The following LOC128706665 variants were observed in gnomAD, a reference collection of about 807,000 sequenced individuals.
At chr20:10,420,911 CAAAA>C in the LOC128706665 span, among the ~76,000 whole-genome samples, 1 of 152,108 alleles carries the variant, frequency 6.6e-6, no homozygotes, top group Non-Finnish European at 1.5e-5. Context: ...TGTTAATAAA[CAAAA>C]AGAGACATGT....
chr20:10,421,849 T>G, the LOC128706665 span, among the ~76,000 whole-genome samples: 3 of 152,004 alleles, frequency 2.0e-5, no homozygotes, highest in Non-Finnish European at 4.4e-5. Context: ...TTTGATGATC[T>G]GTTGGGTTTG....
the LOC128706665 span, among the ~76,000 whole-genome samples, chr20:10,426,475 G>A: frequency 6.6e-6 from 1 of 151,652 alleles, no homozygotes. Context: ...GTGTGATCTC[G>A]GCTCACCTCC....
chr20:10,424,582 C>CA, the LOC128706665 span, among the ~76,000 whole-genome samples: 199 of 142,160 alleles, frequency 1.4e-3, no homozygotes, highest in Middle Eastern at 0.015. Context: ...GCTAGTTTTA[C>CA]AAAAAAAAAA....
chr20:10,427,630 T>C, the LOC128706665 span, among the ~76,000 whole-genome samples: 1 of 152,250 alleles, frequency 6.6e-6, no homozygotes, highest in African/African-American at 2.4e-5. Flanking sequence ...ATTTTTTCTG[T>C]GTACACAATA....
At chr20:10,431,284 AAC>A in the LOC128706665 span, among the ~76,000 whole-genome samples, 3 of 152,138 alleles carry the variant, frequency 2.0e-5, no homozygotes, top group Admixed American at 2.0e-4. Flanking sequence ...GACAAATCCA[AAC>A]ACAGTCATGT....
At chr20:10,427,980 G>GT in the LOC128706665 span, among the ~76,000 whole-genome samples, 4 of 152,192 alleles carry the variant, frequency 2.6e-5, no homozygotes, top group Non-Finnish European at 5.9e-5. Context: ...ACAGGTATGC[G>GT]TAAGTATCTT....
chr20:10,418,613 A>C, the LOC128706665 span, among the ~76,000 whole-genome samples: 1 of 152,092 alleles, frequency 6.6e-6, no homozygotes, highest in Non-Finnish European at 1.5e-5. Flanking sequence ...CTGGCATCTA[A>C]AATCTCTTAC....
At chr20:10,432,127 A>G in the LOC128706665 span, among the ~76,000 whole-genome samples, 1 of 152,208 alleles carries the variant, frequency 6.6e-6, no homozygotes, top group Non-Finnish European at 1.5e-5. Flanking sequence ...TTTCCAGGGA[A>G]ACAGACATCT....
At chr20:10,423,097 C>T in the LOC128706665 span, among the ~76,000 whole-genome samples, 4 of 151,976 alleles carry the variant, frequency 2.6e-5, no homozygotes, top group African/African-American at 9.7e-5. Context: ...CATTTGTCAG[C>T]TTTTTTCTGA....
the LOC128706665 span, among the ~76,000 whole-genome samples, chr20:10,427,159 A>G: frequency 6.6e-6 from 1 of 151,902 alleles, no homozygotes; most frequent in East Asian, 1.9e-4. Context: ...AGATTATTCT[A>G]TCTAGCATAG....
At chr20:10,421,154 G>T in the LOC128706665 span, among the ~76,000 whole-genome samples, 29 of 152,144 alleles carry the variant, frequency 1.9e-4, no homozygotes, top group South Asian at 2.1e-4. Flanking sequence ...TACAGGCTGA[G>T]GGTGGTGGCT....
the LOC128706665 span, among the ~76,000 whole-genome samples, chr20:10,433,152 C>T: frequency 2.6e-5 from 4 of 152,218 alleles, no homozygotes; most frequent in Non-Finnish European, 4.4e-5. Flanking sequence ...TACAGGCGTG[C>T]GCCACTGCGC....
At chr20:10,431,403 A>G in the LOC128706665 span, among the ~76,000 whole-genome samples, 109 of 152,276 alleles carry the variant, frequency 7.2e-4, no homozygotes, top group African/African-American at 2.6e-3. Flanking sequence ...TAGCAAGACT[A>G]CTAGCCTCAG....
chr20:10,421,204 C>T, the LOC128706665 span, among the ~76,000 whole-genome samples: 1 of 152,010 alleles, frequency 6.6e-6, no homozygotes, highest in Non-Finnish European at 1.5e-5. Flanking sequence ...CTGAGGCAGG[C>T]AGATTGCCTG....
At chr20:10,419,796 G>A in the LOC128706665 span, among the ~76,000 whole-genome samples, 1 of 152,108 alleles carries the variant, frequency 6.6e-6, no homozygotes, top group Admixed American at 6.6e-5. Flanking sequence ...AATATCCCAG[G>A]ATTTCATCAT....
the LOC128706665 span, among the ~76,000 whole-genome samples, chr20:10,415,376 A>C: frequency 6.6e-6 from 1 of 152,170 alleles, no homozygotes; most frequent in African/African-American, 2.4e-5. Flanking sequence ...ATGTGCAAAG[A>C]GGTGGGCAGA....
the LOC128706665 span, chr20:10,413,943 T>TA: frequency 8.7e-4 from 354 of 404,614 alleles, no homozygotes; most frequent in Non-Finnish European, 1.2e-3. Context: ...TAATAAATAA[T>TA]AAAAAAAACA....
chr20:10,424,619 T>C, the LOC128706665 span, among the ~76,000 whole-genome samples: 3 of 152,226 alleles, frequency 2.0e-5, no homozygotes, highest in African/African-American at 7.2e-5. Context: ...ATATTTGATA[T>C]GGTAGTTAGC....
At chr20:10,432,262 T>C in the LOC128706665 span, among the ~76,000 whole-genome samples, 1 of 152,202 alleles carries the variant, frequency 6.6e-6, no homozygotes, top group Non-Finnish European at 1.5e-5. Context: ...GCAGCTTAAC[T>C]TTTTCTATTG....
Sources: gnomAD v4.1 joint callset for allele counts (sites outside exome capture counted in the v4.1 genomes callset) on GRCh38, gnomAD v4.1.1 for gene constraint, MANE v1.5 for transcripts.